The following ADAM28 variants were observed in gnomAD, a reference collection of about 807,000 sequenced individuals.
ADAM28 encodes ADAM metallopeptidase domain 28.
ADAM28 carries 105 observed loss-of-function variants against 101.2 expected under a neutral mutation model. The observed-to-expected ratio is 1.04, with a 90% confidence interval of 0.89 to 1.22. ADAM28 has a LOEUF of 1.22. Among genes scored for constraint, ADAM28 ranks in the 50% most tolerant of loss-of-function variants. The pLI is 0.00. For missense variants in ADAM28, 1,028 were observed against 945.4 expected (o/e 1.09, Z -1.15); for synonymous variants, 322 against 310.6 (o/e 1.04, Z -0.39).
At chr8:24,321,857 A>C (rs2129288739) in intron 8 of ADAM28, among the ~76,000 whole-genome samples, 1 of 152,130 alleles carries the variant, frequency 6.6e-6, no homozygotes, top group East Asian at 1.9e-4. Flanking sequence ...TATGTTCTTT[A>C]GACATGATTG....
intron 6 of ADAM28, among the ~76,000 whole-genome samples, chr8:24,318,733 C>A (rs1004148540): frequency 1.3e-5 from 2 of 151,822 alleles, no homozygotes; most frequent in South Asian, 4.1e-4. Flanking sequence ...TTCTTCATCC[C>A]GCCTTATATG....
At position 24,331,188 on chromosome 8, in the gene ADAM28, T is replaced by G; in HGVS notation, c.1142T>G (p.Leu381Arg). 6.2e-7 allele frequency: 1 copy of G among 1,613,404 alleles called. No individual in the cohort carries two copies. Among genetic ancestry groups the G allele is most frequent in the Non-Finnish European group, 8.5e-7 (1 of 1,179,596 alleles). The change falls in exon 12 of 23, where the codon CTC (leucine) becomes CGC (arginine). Residue 381 changes from leucine (L) to arginine (R), a missense_variant. Coordinates refer to ENST00000265769, the MANE Select transcript of ADAM28 (RefSeq NM_014265.6). Reference protein sequence around the residue: ...IPTDFSSCSRLSYDKFFEDKL... With the variant: ...IPTDFSSCSRRSYDKFFEDKL... ...ACAGACTTCAGTTCCTGCAGCCGTC[T>G]CAGCTATGACAAGTTTTTTGAAGAT...
At chr8:24,340,656 A>G (rs75364621) in intron 15 of ADAM28, among the ~76,000 whole-genome samples, 2,201 of 152,276 alleles carry the variant, frequency 0.014, 58 homozygotes, top group African/African-American at 0.05. Flanking sequence ...CATTGGCTAT[A>G]GTGAAGAGTT....
In ADAM28 at chr8:24,351,303, C is replaced by G; in HGVS notation, c.2171C>G (p.Pro724Arg). 6.2e-7 allele frequency: 1 copy of G among 1,613,390 alleles called. No homozygotes were observed. The change falls in exon 20 of 23, where the codon CCC becomes CGC. Residue 724 changes from proline to arginine, a missense_variant. Physicochemically the swap from Pro to Arg is moderately radical, Grantham distance 103. Coordinates refer to ENST00000265769, the MANE Select transcript of ADAM28 (RefSeq NM_014265.6). ...RKPQMVKAVQ[P>R]QEMSQMKPHV... Reference sequence around the variant, plus strand: ...CCCCAGATGGTAAAGGCTGTTCAACCCCAAGAGGTGAACTATATAGTCTGG... The same window carrying G: ...CCCCAGATGGTAAAGGCTGTTCAACGCCAAGAGGTGAACTATATAGTCTGG...
rs1814497609 is a variant in ADAM28, at chr8:24,339,463, C to T, written c.1568-3C>T. 2 of 1,610,916 alleles carry T rather than the reference C, an allele frequency of 1.2e-6. No individual in the cohort carries two copies. Among genetic ancestry groups the T allele is most frequent in the East Asian group, 2.2e-5 (1 of 44,790 alleles). On this transcript the variant is annotated splice_region_variant and splice_polypyrimidine_tract_variant and intron_variant, in intron 14 of 22. Coordinates refer to ENST00000265769, the MANE Select transcript of ADAM28 (RefSeq NM_014265.6). ...TTTCCCTGCTGACTGATCCTGGTCC[C>T]AGGAACTGAGGTTGCAGATAAGTCA...
chr8:24,321,565 C>A, intron 8 of ADAM28: 1 of 394,662 alleles, frequency 2.5e-6, no homozygotes, highest in Non-Finnish European at 4.7e-6. Context: ...CAAAAATCCG[C>A]TAAGAAAATG....
chr8:24,298,652 G>A (rs1808296728), intron 1 of ADAM28, among the ~76,000 whole-genome samples: 1 of 152,074 alleles, frequency 6.6e-6, no homozygotes, highest in Admixed American at 6.6e-5. Context: ...ATTACCTTTA[G>A]AGACCCTCCT....
rs375784098 is a variant in ADAM28 at position 24,314,408 on chromosome 8, T to C, written c.576+828T>C. 1.9e-3 allele frequency among the ~76,000 whole-genome samples: 293 copies of C among 152,246 alleles called. 10 individuals carry two copies. The South Asian group carries it at 0.057, about 30-fold the overall frequency. On this transcript the variant is annotated intron_variant, in intron 6 of 22. Coordinates refer to ENST00000265769, the MANE Select transcript of ADAM28 (RefSeq NM_014265.6). ...TCTGCTTCTAGTCATAGGAGATAAA[T>C]GAATATAGTTTTGTGTTTTAGACTG... is the stretch of plus-strand genomic sequence containing the variant.
intron 18 of ADAM28, among the ~76,000 whole-genome samples, chr8:24,344,900 CA>C (rs1268948012): frequency 6.6e-6 from 1 of 151,570 alleles, no homozygotes; most frequent in African/African-American, 2.4e-5. Context: ...TTTCTGTTGC[CA>C]AATATTTTTA....
At position 24,329,992 on chromosome 8, in the gene ADAM28, G is replaced by C; in HGVS notation, c.980G>C (p.Ser327Thr). The C allele has an allele frequency of 4.3e-6, 7 of 1,612,934 alleles. No individual in the cohort carries two copies. The highest frequency in any genetic ancestry group is 5.9e-6 in the Non-Finnish European group (7 of 1,179,360). The change falls in exon 11 of 23, where the codon AGC becomes ACC. Residue 327 changes from serine (S) to threonine (T), a missense_variant. Physicochemically the swap from Ser to Thr is moderately conservative, Grantham distance 58. Transcript: ENST00000265769. ...PYSVGVVQDH[S>T]DNLLRVAGTM... is the part of the protein sequence containing the mutation. ...CTTCTTTCATACCTTTAGGACCACA[G>C]CGATAATCTTCTTAGAGTTGCAGGG...
rs527329345 is a variant in ADAM28 at position 24,335,712 on chromosome 8, G to A, written c.1567+71G>A. 3.4e-6 allele frequency: 5 copies of A among 1,452,470 alleles called. No individual in the cohort carries two copies. The South Asian group carries it at 6.1e-5, about 18-fold the overall frequency. The allele number at this position is 1,452,470 out of a possible 1,614,324, so 90.0% of individuals were successfully genotyped here. A position where few individuals can be genotyped will look rare whatever the true frequency, so the allele number is the denominator to read the frequency against. ...ATTTCAGATGACAGTGTTTAACCAT[G>A]GTCAAAGGACCATTCTGTCCTATCC... On this transcript the variant is annotated intron_variant, in intron 14 of 22. Transcript: ENST00000265769.
Position 24,355,662 on chromosome 8 carries a change from A to AAGATAGCT in ADAM28, c.*1264_*1265insCTAGATAG, listed in dbSNP as rs1554524406. On this transcript the variant is annotated 3_prime_UTR_variant, in exon 23 of 23. Coordinates refer to ENST00000265769, the MANE Select transcript of ADAM28 (RefSeq NM_014265.6). ...CACACGGTGATTATGAAGGCTGAAA[A>AAGATAGCT]AGATAGATAGAGCAGAAAGATGAAA... 6.6e-6 allele frequency: 1 copy of AAGATAGCT among 151,782 alleles called. No homozygotes were observed. The highest frequency in any genetic ancestry group is 1.5e-5 in the Non-Finnish European group (1 of 67,940). The allele number at this position is 151,782 out of a possible 1,614,324, so 9.4% of individuals were successfully genotyped here. A position where few individuals can be genotyped will look rare whatever the true frequency, so the allele number is the denominator to read the frequency against.
At chr8:24,316,282 G>A (rs1319643365) in intron 6 of ADAM28, among the ~76,000 whole-genome samples, 1 of 151,738 alleles carries the variant, frequency 6.6e-6, no homozygotes, top group Non-Finnish European at 1.5e-5. Flanking sequence ...CTTCATAAAA[G>A]TAAGTGCTTG....
intron 18 of ADAM28, among the ~76,000 whole-genome samples, chr8:24,343,964 CTGTT>C (rs1815107128): frequency 6.6e-6 from 1 of 152,210 alleles, no homozygotes; most frequent in Middle Eastern, 3.4e-3. Context: ...TTTGAATTAT[CTGTT>C]TCTTTTGAGT....
At chr8:24,309,261 C>T (rs144134320) in intron 2 of ADAM28, among the ~76,000 whole-genome samples, 3 of 152,276 alleles carry the variant, frequency 2.0e-5, no homozygotes, top group African/African-American at 7.2e-5. Flanking sequence ...TTCTTCCTCA[C>T]ATTACAGTAT....
intron 2 of ADAM28, among the ~76,000 whole-genome samples, chr8:24,307,289 A>G (rs1809829529): frequency 6.6e-6 from 1 of 152,154 alleles, no homozygotes; most frequent in South Asian, 2.1e-4. Context: ...AACAGATGGA[A>G]GACTTTTGTA....
chr8:24,309,960 A>T lies in ADAM28; in HGVS notation c.217A>T (p.Lys73Ter), dbSNP rs777669467. 6.4e-7 allele frequency: 1 copy of T among 1,556,372 alleles called. No homozygotes were observed. The highest frequency in any genetic ancestry group is 1.1e-5 in the South Asian group (1 of 88,812). Residue 73 changes from lysine (K) to a stop codon, truncating the protein, a stop_gained, in exon 3 of 23, where the codon AAA becomes TAA. Coordinates refer to ENST00000265769, the MANE Select transcript of ADAM28 (RefSeq NM_014265.6). LOFTEE classifies it high-confidence loss of function. ...INGKIAVLYL[K>*]KNKNLLAPGY... ...TGGAAAAATTGCAGTGCTTTATTTGAAAAAAAACAAGTAAGTATCTTTACC... is the reference window on the plus strand; with the variant it reads ...TGGAAAAATTGCAGTGCTTTATTTGTAAAAAAACAAGTAAGTATCTTTACC...
rs1402118047 is a variant in ADAM28, at chr8:24,350,014, C to CTATT, written c.2099+44_2099+47dup. On this transcript the variant is annotated intron_variant, in intron 19 of 22. Coordinates refer to ENST00000265769, the MANE Select transcript of ADAM28 (RefSeq NM_014265.6). ...TCTTGCTGTAGGGACTCTTTGACCC[C>CTATT]TATTTTACTTTACTTTAAATTCAAT... 2.6e-6 allele frequency: 4 copies of CTATT among 1,557,646 alleles called. No individual in the cohort carries two copies. The South Asian group carries it at 4.5e-5, about 18-fold the overall frequency.
intron 8 of ADAM28, 40 bp from the exon 9 acceptor site, chr8:24,323,794 A>G (rs2129291141): frequency 1.3e-6 from 2 of 1,560,860 alleles, no homozygotes; most frequent in South Asian, 1.2e-5. Flanking sequence ...TGATATCACC[A>G]TTATAATTAA....
Sources: allele counts gnomAD v4.1 joint callset (sites outside exome capture counted in the v4.1 genomes callset), GRCh38; gene constraint gnomAD v4.1.1; transcripts MANE v1.5; gene names NCBI Gene and HGNC (gene_info 2026-07-23, HGNC 2026-07-21).